Variants in BMPR1A observed in about 807,000 individuals in gnomAD.
BMPR1A encodes the protein bone morphogenetic protein receptor type 1A, also known as bone morphogenetic protein receptor type-1A.
Under a neutral mutation model 66.0 loss-of-function variants are expected in BMPR1A, and 7 were observed. The observed-to-expected ratio is 0.11, with a 90% CI of 0.06 to 0.20. The LOEUF is 0.20. Ranked by LOEUF, BMPR1A falls within the 10% of genes least tolerant of loss-of-function variation. The pLI is 1.00. For missense variants in BMPR1A, 408 were observed against 669.1 expected, an observed-to-expected ratio of 0.61 and a Z score of 4.31; for synonymous variants, 200 against 229.7, an observed-to-expected ratio of 0.87 and a Z score of 1.17.
chr10:86,787,583 A>G (rs1454870280), intron 1 of BMPR1A, among the ~76,000 whole-genome samples: 1 of 152,242 alleles, frequency 6.6e-6, no homozygotes, highest in Admixed American at 6.5e-5. Context: ...GAAGTATGTA[A>G]TATGAGGAAA....
chr10:86,921,797 T>C, intron 11 of BMPR1A, 102 bp downstream of exon 11: 1 of 1,410,342 alleles, frequency 7.1e-7, no homozygotes, highest in Non-Finnish European at 9.9e-7. Context: ...TGTGGGCACA[T>C]AGTAGGTGTA....
At chr10:86,795,078 C>T (rs550874969) in intron 1 of BMPR1A, among the ~76,000 whole-genome samples, 37 of 151,800 alleles carry the variant, frequency 2.4e-4, no homozygotes, top group Non-Finnish European at 4.7e-4. Context: ...CTTGAACTCC[C>T]GACCTCAGGT....
intron 1 of BMPR1A, among the ~76,000 whole-genome samples, chr10:86,786,258 A>G (rs1841514838): frequency 1.3e-5 from 2 of 152,062 alleles, no homozygotes; most frequent in Non-Finnish European, 2.9e-5. Context: ...TTAAAACACA[A>G]CAAAACTTCT....
At chr10:86,773,619 A>C (rs2132665279) in intron 1 of BMPR1A, among the ~76,000 whole-genome samples, 1 of 144,170 alleles carries the variant, frequency 6.9e-6, no homozygotes, top group East Asian at 2.1e-4. Flanking sequence ...AAAAAAAAAC[A>C]CAACACCAGA....
intron 1 of BMPR1A, among the ~76,000 whole-genome samples, chr10:86,773,098 C>G (rs1449933534): frequency 2.0e-5 from 3 of 148,424 alleles, no homozygotes; most frequent in African/African-American, 7.5e-5. Context: ...ATAGAAAGTT[C>G]TGAAAATTTG....
intron 7 of BMPR1A, among the ~76,000 whole-genome samples, chr10:86,907,837 G>T (rs1843419676): frequency 6.6e-6 from 1 of 152,182 alleles, no homozygotes; most frequent in Non-Finnish European, 1.5e-5. Flanking sequence ...GATGAAGATG[G>T]ATGGATGAAG....
chr10:86,891,622 GT>G lies in BMPR1A; in HGVS notation c.231-501del, dbSNP rs200365158. Reference sequence around the variant, plus strand: ...AAATTTATTCAAAAGTCCTCTCCCTGTTTTCCCATCATATTCAGTAAAAGGT... The same window carrying G: ...AAATTTATTCAAAAGTCCTCTCCCTGTTTCCCATCATATTCAGTAAAAGGT... On this transcript the variant is annotated intron_variant, in intron 4 of 12. Coordinates refer to ENST00000372037, the MANE Select transcript of BMPR1A (RefSeq NM_004329.3). 6.2e-3 allele frequency among the ~76,000 whole-genome samples: 940 copies of G among 152,092 alleles called. 14 individuals carry two copies. Among genetic ancestry groups the G allele is most frequent in the African/African-American group, 0.02 (850 of 41,496 alleles).
chr10:86,810,270 C>T lies in BMPR1A; in HGVS notation c.-267-28595C>T, dbSNP rs951134465. On this transcript the variant is annotated intron_variant, in intron 1 of 12. Transcript: ENST00000372037. ...TGCTGGGATTACAGGCGTGAGCCAACACGCCTGGCTGCTGAATATTATTTT... is the reference window on the plus strand; with the variant it reads ...TGCTGGGATTACAGGCGTGAGCCAATACGCCTGGCTGCTGAATATTATTTT... 4.6e-5 allele frequency among the ~76,000 whole-genome samples: 7 copies of T among 152,318 alleles called. No individual in the cohort carries two copies. The East Asian group carries it at 1.3e-3, about 29-fold the overall frequency.
intron 1 of BMPR1A, among the ~76,000 whole-genome samples, chr10:86,760,058 T>G (rs1250354279): frequency 6.9e-6 from 1 of 144,236 alleles, no homozygotes; most frequent in African/African-American, 2.6e-5. Context: ...ACTTTTCTCC[T>G]TTATCTAATC....
intron 2 of BMPR1A, among the ~76,000 whole-genome samples, chr10:86,842,533 T>C (rs898921458): frequency 1.3e-5 from 2 of 152,126 alleles, no homozygotes; most frequent in African/African-American, 4.8e-5. Context: ...TTGAATGCCA[T>C]GGCAAGGAGT....
chr10:86,781,780 G>C (rs1022220861), intron 1 of BMPR1A, among the ~76,000 whole-genome samples: 17 of 147,942 alleles, frequency 1.1e-4, no homozygotes, highest in African/African-American at 4.0e-4. Context: ...TGCAGTACTT[G>C]TTGTTTTATG....
chr10:86,789,596 C>T (rs1841570488), intron 1 of BMPR1A, among the ~76,000 whole-genome samples: 1 of 151,628 alleles, frequency 6.6e-6, no homozygotes, highest in Admixed American at 6.6e-5. Flanking sequence ...ACCTATAATC[C>T]CAGCTGCTTG....
intron 3 of BMPR1A, among the ~76,000 whole-genome samples, chr10:86,876,589 C>T (rs1252824269): frequency 1.3e-5 from 2 of 152,106 alleles, no homozygotes; most frequent in Non-Finnish European, 2.9e-5. Context: ...CAAGACCAGC[C>T]TGGGCAACAT....
chr10:86,898,373 CCTGT>C (rs764613402), intron 5 of BMPR1A, among the ~76,000 whole-genome samples: 8 of 152,096 alleles, frequency 5.3e-5, no homozygotes, highest in Non-Finnish European at 8.8e-5. Flanking sequence ...TTAAATTACA[CCTGT>C]CTTTCAGCCA....
At chr10:86,813,470 G>A (rs1042508181) in intron 1 of BMPR1A, among the ~76,000 whole-genome samples, 2 of 152,164 alleles carry the variant, frequency 1.3e-5, no homozygotes, top group African/African-American at 4.8e-5. Context: ...AGTGGATAGT[G>A]CTGGGAGGTA....
At chr10:86,834,976 A>G (rs1463269992) in intron 1 of BMPR1A, among the ~76,000 whole-genome samples, 1 of 151,984 alleles carries the variant, frequency 6.6e-6, no homozygotes, top group Non-Finnish European at 1.5e-5. Flanking sequence ...GATAGGGAAG[A>G]GGGGATTTGG....
chr10:86,794,059 C>G (rs1841669319), intron 1 of BMPR1A, among the ~76,000 whole-genome samples: 1 of 152,140 alleles, frequency 6.6e-6, no homozygotes, highest in Non-Finnish European at 1.5e-5. Context: ...CAAGCTCATC[C>G]AGGATAATCG....
At chr10:86,857,226 A>C (rs1049375508) in intron 2 of BMPR1A, among the ~76,000 whole-genome samples, 3 of 152,094 alleles carry the variant, frequency 2.0e-5, no homozygotes, top group Non-Finnish European at 4.4e-5. Context: ...AGCAGACCCC[A>C]TTCTGAGTCA....
intron 2 of BMPR1A, chr10:86,855,179 C>T (rs1842623715): frequency 2.0e-6 from 1 of 511,230 alleles, no homozygotes; most frequent in Non-Finnish European, 3.3e-6. Flanking sequence ...GCTGGGATTA[C>T]AGGCGTGAGC....
Sources: allele counts gnomAD v4.1 joint callset (sites outside exome capture counted in the v4.1 genomes callset), GRCh38; gene constraint gnomAD v4.1.1; transcripts MANE v1.5; gene names NCBI Gene and HGNC (gene_info 2026-07-23, HGNC 2026-07-21).